Variants in FAF2 observed in about 807,000 individuals in gnomAD.
The protein encoded by FAF2 is FAS-associated factor 2.
A neutral mutation model predicts 62.3 loss-of-function variants in FAF2; 9 were observed. That is an observed-to-expected ratio of 0.14 (90% confidence interval 0.09 to 0.25). The LOEUF (loss-of-function observed/expected upper bound fraction) is 0.25. Ranked by LOEUF, FAF2 falls within the 10% of genes least tolerant of loss-of-function variation. The pLI, the probability that FAF2 is intolerant of heterozygous loss-of-function variation, is 1.00. For synonymous variants in FAF2, 202 were observed against 198.0 expected, an observed-to-expected ratio of 1.02 and a Z score of -0.17; for missense variants, 368 against 556.2, an observed-to-expected ratio of 0.66 and a Z score of 3.40.
At chr5:176,491,708 A>G (rs775118388) in intron 4 of FAF2, among the ~76,000 whole-genome samples, 10 of 152,200 alleles carry the variant, frequency 6.6e-5, no homozygotes, top group Non-Finnish European at 1.2e-4. Context: ...AAGCCATTAA[A>G]CACGTGGCTG....
At chr5:176,461,312 C>CTTTTTT (rs60608969) in intron 1 of FAF2, among the ~76,000 whole-genome samples, 25 of 70,734 alleles carry the variant, frequency 3.5e-4, no homozygotes, top group Admixed American at 7.2e-4. Context: ...CTGTGCCCAG[C>CTTTTTT]TTTTTTTTTT....
At chr5:176,464,631 T>A (rs1432994914) in intron 1 of FAF2, among the ~76,000 whole-genome samples, 1 of 151,652 alleles carries the variant, frequency 6.6e-6, no homozygotes, top group Non-Finnish European at 1.5e-5. Context: ...TGGCTGGGAC[T>A]ACATGCATGT....
chr5:176,454,963 A>G (rs79208532), intron 1 of FAF2, among the ~76,000 whole-genome samples: 3,666 of 152,290 alleles, frequency 0.024, 162 homozygotes, highest in African/African-American at 0.084. Context: ...TGTTTGTCAC[A>G]TGTGTTTAAT....
At chr5:176,465,645 T>A (rs933853816) in intron 1 of FAF2, among the ~76,000 whole-genome samples, 1 of 152,142 alleles carries the variant, frequency 6.6e-6, no homozygotes, top group African/African-American at 2.4e-5. Context: ...GAAGTTACAG[T>A]TATGAGCCAC....
intron 1 of FAF2, among the ~76,000 whole-genome samples, chr5:176,458,139 T>C (rs1758309098): frequency 6.6e-6 from 1 of 152,216 alleles, no homozygotes; most frequent in South Asian, 2.1e-4. Context: ...TGGAGTGCAA[T>C]TGTACAGTCT....
chr5:176,473,640 C>T (rs1758612532), intron 1 of FAF2, among the ~76,000 whole-genome samples: 1 of 152,216 alleles, frequency 6.6e-6, no homozygotes, highest in Non-Finnish European at 1.5e-5. Flanking sequence ...TGGAATTCTT[C>T]TGCACAGGAT....
Position 176,509,103 on chromosome 5 carries a change from T to G in FAF2, c.*2153T>G, listed in dbSNP as rs547451832. On this transcript the variant is annotated 3_prime_UTR_variant, in exon 11 of 11. Transcript: ENST00000261942. ...TCTCCCTTTATGTCAGTACAACTGT[T>G]AGGGCGGCCTTCCCATTTACTTTAG... The G allele has an allele frequency of 1.3e-5, 2 of 152,332 alleles. No homozygotes were observed. The highest frequency in any genetic ancestry group is 1.3e-4 in the Admixed American group (2 of 15,292). 9.4% of individuals were successfully genotyped at this position (152,332 alleles called of 1,614,324 possible). A position where few individuals can be genotyped will look rare whatever the true frequency, so the allele number is the denominator to read the frequency against.
chr5:176,462,556 G>A (rs907212720), intron 1 of FAF2, among the ~76,000 whole-genome samples: 1 of 150,028 alleles, frequency 6.7e-6, no homozygotes, highest in East Asian at 2.0e-4. Flanking sequence ...CCCGGGAGGC[G>A]GAGGTTGCAG....
intron 1 of FAF2, among the ~76,000 whole-genome samples, chr5:176,465,869 A>G (rs1369482130): frequency 6.6e-6 from 1 of 152,202 alleles, no homozygotes; most frequent in East Asian, 1.9e-4. Context: ...AAAAGAAAAG[A>G]AAACGATTTC....
chr5:176,472,780 A>G (rs116678030), intron 1 of FAF2, among the ~76,000 whole-genome samples: 2 of 151,868 alleles, frequency 1.3e-5, no homozygotes, highest in Non-Finnish European at 2.9e-5. Context: ...TAGGGCTCAT[A>G]TGGTTCTTAT....
Position 176,483,650 on chromosome 5 carries a change from T to C in FAF2, c.133-2705T>C, listed in dbSNP as rs532376607. ...GACCACCTTCACTTCTGAAACCACC[T>C]GCAGTTTCAGAGTGTCGCAAAACCG... On this transcript the variant is annotated intron_variant, in intron 2 of 10. Transcript: ENST00000261942. Among the ~76,000 whole-genome samples the C allele has an allele frequency of 2.6e-5, 4 of 152,346 alleles. No individual in the cohort carries two copies. In the East Asian group the frequency reaches 7.7e-4, roughly 29 times the overall value.
rs151095918 is a variant in FAF2, at chr5:176,481,932, C to G, written c.132+2676C>G. 3.9e-5 allele frequency among the ~76,000 whole-genome samples: 6 copies of G among 152,182 alleles called. No individual in the cohort carries two copies. The East Asian group carries it at 1.2e-3, about 29-fold the overall frequency. ...CTATGTTTAACCTTTTGAAGAGCTC[C>G]CAGACTGTTTTCAAAGTGGTTATAC... On this transcript the variant is annotated intron_variant, in intron 2 of 10. Transcript: ENST00000261942.
rs140281858 is a variant in FAF2, at chr5:176,492,638, C to G, written c.483+306C>G. On this transcript the variant is annotated intron_variant, in intron 5 of 10. Transcript: ENST00000261942. ...TGTGCCTTTGCTTTTGCCGGTCCAT[C>G]CACGTGGAATGCCTTCCTCACATTT... Among the ~76,000 whole-genome samples the G allele has an allele frequency of 3.9e-4, 59 of 152,252 alleles. 1 individual carries two copies. The Middle Eastern group carries it at 0.01, about 26-fold the overall frequency.
At chr5:176,489,792 C>T (rs917424559) in intron 4 of FAF2, among the ~76,000 whole-genome samples, 5 of 152,190 alleles carry the variant, frequency 3.3e-5, no homozygotes, top group African/African-American at 4.8e-5. Context: ...AGTGATCCAC[C>T]TGCCTTGGCC....
In FAF2 at chr5:176,496,654, G is replaced by T. The variant is rs757583095; in HGVS notation, c.830G>T (p.Arg277Leu). 2.5e-6 allele frequency: 4 copies of T among 1,584,528 alleles called. No homozygotes were observed. The highest frequency in any genetic ancestry group is 3.4e-6 in the Non-Finnish European group (4 of 1,166,390). Reference protein sequence around the residue: ...DANQTYLVSERLEREERNQTQ... With the variant: ...DANQTYLVSELLEREERNQTQ... ...AACCAGACTTACCTGGTGTCAGAAC[G>T]CCTAGAAAGGTACAAGGGAGTTCCC... Residue 277 changes from arginine to leucine, a missense_variant, in exon 8 of 11, where the codon CGC (arginine) becomes CTC (leucine). Arg to Leu is a moderately radical substitution (Grantham distance 102, BLOSUM62 -2). Around this residue, in one of 2 missense-constraint regions of FAF2, gnomAD observed 331 missense variants for 441.9 expected, o/e 0.75. Coordinates refer to ENST00000261942, the MANE Select transcript of FAF2 (RefSeq NM_014613.3).
chr5:176,484,177 G>C (rs1446604899), intron 2 of FAF2, among the ~76,000 whole-genome samples: 1 of 152,172 alleles, frequency 6.6e-6, no homozygotes, highest in African/African-American at 2.4e-5. Flanking sequence ...TACCTTCTTG[G>C]CATAGATGTA....
At chr5:176,482,923 T>A (rs1758807256) in intron 2 of FAF2, among the ~76,000 whole-genome samples, 1 of 152,072 alleles carries the variant, frequency 6.6e-6, no homozygotes, top group Admixed American at 6.6e-5. Context: ...GTTGTTTGTA[T>A]TTTTAGTAGT....
At chr5:176,503,047 CA>C (rs201779398) in intron 10 of FAF2, among the ~76,000 whole-genome samples, 14,916 of 140,024 alleles carry the variant, frequency 0.11, 974 homozygotes, top group East Asian at 0.29. Flanking sequence ...GGCTGTGTCT[CA>C]AAAAAAAAAT....
intron 2 of FAF2, among the ~76,000 whole-genome samples, chr5:176,484,372 A>G (rs943509387): frequency 3.3e-5 from 5 of 152,126 alleles, no homozygotes; most frequent in East Asian, 3.8e-4. Context: ...GTCCCATTCT[A>G]CCTTACCCGG....
Sources: gnomAD v4.1 joint callset for allele counts (sites outside exome capture counted in the v4.1 genomes callset) on GRCh38, gnomAD v4.1.1 for gene constraint, gnomAD v4.1.1 regional missense constraint, MANE v1.5 for transcripts, NCBI Gene and HGNC (gene_info 2026-07-23, HGNC 2026-07-21) for gene names.